Variants in PRRC2A observed in about 807,000 individuals in gnomAD.
PRRC2A encodes the protein protein PRRC2A.
A neutral mutation model predicts 224.6 loss-of-function variants in PRRC2A; 59 were observed. The ratio of observed to expected loss-of-function variants is 0.26; its 90% CI spans 0.21 to 0.33. The LOEUF (loss-of-function observed/expected upper bound fraction) is 0.33, where lower values mean the gene tolerates loss of function less well. PRRC2A is among the 10% of genes least tolerant of loss of function. The probability of loss-of-function intolerance (pLI) is 1.00; values close to 1 mark genes in which losing one functional copy is unlikely to be tolerated. For missense variants in PRRC2A, 3,095 were observed against 2,880.7 expected (o/e 1.07, Z -1.70); for synonymous variants, 1,194 against 1,109.5 (o/e 1.08, Z -1.51).
At position 31,627,677 on chromosome 6, in the gene PRRC2A, A is replaced by G; in HGVS notation, c.1291-88A>G. Reference sequence around the variant, plus strand: ...AAAGCCTGGGTCGTTGCATCCTGCAAGTAGCGACAGTTGATTTGTTGTAAA... The same window carrying G: ...AAAGCCTGGGTCGTTGCATCCTGCAGGTAGCGACAGTTGATTTGTTGTAAA... On this transcript the variant is annotated intron_variant, in intron 11 of 30. Coordinates refer to ENST00000376033, the MANE Select transcript of PRRC2A (RefSeq NM_004638.4). This position sits in a 1 kb window ranked among gnomAD's most constrained non-coding sequence, Gnocchi z 5.6. The G allele has an allele frequency of 6.7e-7, 1 of 1,498,016 alleles. No homozygotes were observed. 92.8% of individuals were successfully genotyped at this position (1,498,016 alleles called of 1,614,324 possible). A position where few individuals can be genotyped will look rare whatever the true frequency, so the allele number is the denominator to read the frequency against.
chr6:31,636,386 C>G lies in PRRC2A; in HGVS notation c.5802C>G (p.Cys1934Trp). Residue 1934 changes from cysteine to tryptophan, a missense_variant, in exon 26 of 31, where the codon TGC (cysteine) becomes TGG (tryptophan). Around this residue, in one of 8 missense-constraint regions of PRRC2A, gnomAD observed 662 missense variants for 609.5 expected, o/e 1.09. Coordinates refer to ENST00000376033, the MANE Select transcript of PRRC2A (RefSeq NM_004638.4). This position sits in a 1 kb window ranked among gnomAD's most constrained non-coding sequence, Gnocchi z 4.3. ...CCTTCCTCTACTCTCCGGCTTTCTG[C>G]CCCAGTCCTTTGCCTGACACATCGT... The part of the protein sequence containing the change: ...PPSFLYSPAF[C>W]PSPLPDTSLL... The G allele has an allele frequency of 6.2e-7, 1 of 1,612,972 alleles. No individual in the cohort carries two copies. The highest frequency in any genetic ancestry group is 8.5e-7 in the Non-Finnish European group (1 of 1,179,992).
Position 31,637,466 on chromosome 6 carries a change from G to A in PRRC2A, c.6354G>A (p.Leu2118=), listed in dbSNP as rs753561697. 6 of 1,576,098 alleles carry A rather than the reference G, an allele frequency of 3.8e-6. No individual in the cohort carries two copies. Among genetic ancestry groups the A allele is most frequent in the African/African-American group, 1.4e-5 (1 of 73,930 alleles). ...LYQQASPPDA[L]RWIPKPWERT... The stretch of plus-strand genomic sequence containing the variant: ...CCTAGGCCTCCCCACCAGATGCCCT[G>A]CGCTGGATACCTAAGCCTTGGGAGC... Residue 2118 remains leucine (L), a synonymous_variant, in exon 31 of 31, where the codon CTG becomes CTA. Coordinates refer to ENST00000376033, the MANE Select transcript of PRRC2A (RefSeq NM_004638.4).
intron 16 of PRRC2A, 70 bp downstream of exon 16, chr6:31,633,062 T>C: frequency 1.4e-6 from 2 of 1,439,590 alleles, no homozygotes; most frequent in Non-Finnish European, 1.8e-6. Flanking sequence ...GAGGGAAAGA[T>C]AAGTTTGGGT....
intron 16 of PRRC2A, 64 bp from the exon 17 acceptor site, chr6:31,633,315 A>G: frequency 7.7e-6 from 12 of 1,562,090 alleles, no homozygotes; most frequent in Admixed American, 1.8e-5. Context: ...AAGTTGGGAA[A>G]CATAACTTGT....
chr6:31,633,132 T>C, intron 16 of PRRC2A, 140 bp downstream of exon 16: 1 of 1,276,044 alleles, frequency 7.8e-7, no homozygotes, highest in Non-Finnish European at 1.0e-6. Context: ...GATTTCCATG[T>C]CTGGCTAAGG....
intron 1 of PRRC2A, 134 bp from the exon 2 acceptor site, chr6:31,622,556 C>A: frequency 2.1e-6 from 1 of 480,136 alleles, no homozygotes; most frequent in Non-Finnish European, 3.6e-6. Context: ...TATGAGGGAG[C>A]TAAGTAGATC....
intron 1 of PRRC2A, among the ~76,000 whole-genome samples, chr6:31,621,297 C>G (rs1386706214): frequency 6.8e-6 from 1 of 147,604 alleles, no homozygotes; most frequent in East Asian, 2.0e-4. Context: ...TGTGTTCCCC[C>G]CTCTGGACGC....
At position 31,632,943 on chromosome 6, in the gene PRRC2A, GGGCCAGGACGAGGCGACAAGAGGAGCT is replaced by G; in HGVS notation, c.4275_4301del (p.Gly1426_Pro1434del). Reference sequence around the variant, plus strand: ...CGGTGGGGGTCCTGGAGGAAGGACCGGGCCAGGACGAGGCGACAAGAGGAGCTGGCCCTCTCCCAAGAACCGAAGGTG... The same window carrying G: ...CGGTGGGGGTCCTGGAGGAAGGACCGGGCCCTCTCCCAAGAACCGAAGGTG... On this transcript the variant is annotated inframe_deletion, in exon 16 of 31. Transcript: ENST00000376033. 1 of 1,607,878 alleles carries G rather than the reference GGGCCAGGACGAGGCGACAAGAGGAGCT, an allele frequency of 6.2e-7. No individual in the cohort carries two copies. The highest frequency in any genetic ancestry group is 8.5e-7 in the Non-Finnish European group (1 of 1,176,726).
chr6:31,630,979 C>G (rs1191967441), intron 15 of PRRC2A, among the ~76,000 whole-genome samples, 160 bp from the exon 16 acceptor site: 1 of 152,070 alleles, frequency 6.6e-6, no homozygotes, highest in Non-Finnish European at 1.5e-5. Flanking sequence ...TTGCTTGAGC[C>G]CAGCAGTTCG....
Position 31,625,227 on chromosome 6 carries a change from C to G in PRRC2A, c.520C>G (p.Gln174Glu). The change falls in exon 6 of 31, where the codon CAG becomes GAG. Residue 174 changes from glutamine (Q) to glutamate (E), a missense_variant. Gln to Glu is a conservative substitution (Grantham distance 29). This residue lies in a region of PRRC2A where 287 missense variants were observed against 275.3 expected (regional missense o/e 1.04). Coordinates refer to ENST00000376033, the MANE Select transcript of PRRC2A (RefSeq NM_004638.4). This position sits in a 1 kb window ranked among gnomAD's most constrained non-coding sequence, Gnocchi z 4.1. Reference sequence around the variant, plus strand: ...CTCTCGAGAGGAATTTCCGACCCTGCAGGCGGCTGGCGACCAGGACAAGGC... The same window carrying G: ...CTCTCGAGAGGAATTTCCGACCCTGGAGGCGGCTGGCGACCAGGACAAGGC... ...RFSREEFPTL[Q>E]AAGDQDKAAK... 6.2e-7 allele frequency: 1 copy of G among 1,613,136 alleles called. No individual in the cohort carries two copies. Among genetic ancestry groups the G allele is most frequent in the Non-Finnish European group, 8.5e-7 (1 of 1,180,030 alleles).
At position 31,632,520 on chromosome 6, in the gene PRRC2A, G is replaced by A. The variant is rs35102093; in HGVS notation, c.3847G>A (p.Ala1283Thr). Residue 1283 changes from alanine to threonine, a missense_variant, in exon 16 of 31, where the codon GCT becomes ACT. Transcript: ENST00000376033. ...GKPSLTLPAS[A>T]PGPEEALTTV... ...GCCCTCCCTAACCCTTCCAGCCTCC[G>A]CTCCTGGACCTGAGGAGGCCCTCAC... 3.6e-3 allele frequency: 5,840 copies of A among 1,608,712 alleles called. 44 individuals carry two copies. Among genetic ancestry groups the A allele is most frequent in the African/African-American group, 0.035 (2,596 of 74,908 alleles).
At chr6:31,629,459 A>G (rs553817207) in intron 13 of PRRC2A, 89 bp from the exon 14 acceptor site, 18 of 1,432,858 alleles carry the variant, frequency 1.3e-5, no homozygotes, top group South Asian at 7.3e-5. Flanking sequence ...TGTCACGCCA[A>G]TTTCCCCTAG....
intron 1 of PRRC2A, among the ~76,000 whole-genome samples, chr6:31,622,059 G>A (rs1312721740): frequency 3.3e-5 from 5 of 152,194 alleles, no homozygotes; most frequent in Middle Eastern, 3.2e-3. Context: ...GAAAAGATGG[G>A]ATATTTCAAA....
chr6:31,623,206 CAT>C, intron 2 of PRRC2A: 1 of 638,752 alleles, frequency 1.6e-6, no homozygotes, highest in Non-Finnish European at 2.9e-6. Flanking sequence ...ACCAATCTCA[CAT>C]AAAAGTATTG....
chr6:31,630,998 C>A, intron 15 of PRRC2A, 141 bp from the exon 16 acceptor site: 1 of 1,206,600 alleles, frequency 8.3e-7, no homozygotes, highest in Non-Finnish European at 1.1e-6. Context: ...CGAGACTAGC[C>A]TCGGCAACTG....
chr6:31,635,044 CT>C, intron 21 of PRRC2A, 67 bp downstream of exon 21: 1 of 1,596,938 alleles, frequency 6.3e-7, no homozygotes. Flanking sequence ...CCTTTTTCTG[CT>C]TTTTCTCTCT....
chr6:31,621,614 A>G (rs759323517), intron 1 of PRRC2A, among the ~76,000 whole-genome samples: 1 of 151,634 alleles, frequency 6.6e-6, no homozygotes, highest in Non-Finnish European at 1.5e-5. Context: ...ATTTATCTTC[A>G]CAGATTGGCC....
Position 31,631,867 on chromosome 6 carries a change from G to T in PRRC2A, c.3194G>T (p.Gly1065Val). The change falls in exon 16 of 31, where the codon GGG (glycine) becomes GTG (valine). Residue 1065 changes from glycine (G) to valine (V), a missense_variant. Transcript: ENST00000376033. The surrounding 1 kb of genome is among the most constrained non-coding windows in gnomAD (Gnocchi z 4.5). ...RSYREFRGDD[G>V]RGGGTGGPNH... ...TACCGAGAGTTTCGAGGAGATGATG[G>T]GCGTGGAGGTGGGACAGGGGGACCA... 1 of 1,609,920 alleles carries T rather than the reference G, an allele frequency of 6.2e-7. No individual in the cohort carries two copies.
At chr6:31,637,410 C>T (rs1561847581) in intron 30 of PRRC2A, 36 bp from the exon 31 acceptor site, 2 of 1,602,542 alleles carry the variant, frequency 1.2e-6, no homozygotes, top group Non-Finnish European at 1.7e-6. Context: ...TGACCTCTCA[C>T]TGTGACTCAC....
Sources: allele counts gnomAD v4.1 joint callset (sites outside exome capture counted in the v4.1 genomes callset), GRCh38; gene constraint gnomAD v4.1.1; regional missense constraint gnomAD v4.1.1; non-coding constraint Gnocchi (gnomAD v3.1); transcripts MANE v1.5; gene names NCBI Gene and HGNC (gene_info 2026-07-23, HGNC 2026-07-21).